NAV3: variants seen among roughly 807,000 people sequenced by gnomAD.
The protein encoded by NAV3 is neuron navigator 3, also known as pore membrane and/or filament interacting like protein 1.
Under a neutral mutation model 244.7 loss-of-function variants are expected in NAV3, and 87 were observed. The observed-to-expected ratio is 0.36, with a 90% CI of 0.30 to 0.42. The LOEUF (loss-of-function observed/expected upper bound fraction) is 0.42. Among genes scored for constraint, NAV3 ranks in the 20% least tolerant of loss-of-function variants. The probability of loss-of-function intolerance (pLI) is 1.00; values close to 1 mark genes in which losing one functional copy is unlikely to be tolerated. For synonymous variants in NAV3, 1,126 were observed against 1,042.2 expected (o/e 1.08, Z -1.55); for missense variants, 2,663 against 2,893.3 (o/e 0.92, Z 1.83).
At chr12:78,058,050 G>T (rs187899257) in intron 11 of NAV3, among the ~76,000 whole-genome samples, 1 of 152,274 alleles carries the variant, frequency 6.6e-6, no homozygotes, top group Non-Finnish European at 1.5e-5. Flanking sequence ...GTTTCTTTAA[G>T]GGAGTGGTGA....
chr12:78,005,211 A>G (rs1873990376), intron 7 of NAV3, among the ~76,000 whole-genome samples: 1 of 152,202 alleles, frequency 6.6e-6, no homozygotes. Flanking sequence ...AAAAAATGAC[A>G]TTAGGGGAAC....
chr12:77,908,610 A>T (rs1886252083), intron 1 of NAV3, among the ~76,000 whole-genome samples: 1 of 152,026 alleles, frequency 6.6e-6, no homozygotes, highest in African/African-American at 2.4e-5. Flanking sequence ...TGAATTTTGT[A>T]CTTTTTTTCC....
chr12:77,680,350 A>G (rs924861098), intron 2 of NAV3, among the ~76,000 whole-genome samples: 7 of 152,016 alleles, frequency 4.6e-5, no homozygotes, highest in Admixed American at 3.3e-4. Context: ...TGCTGTTTGC[A>G]TCTTTCCACC....
At chr12:77,797,207 G>GGAGA (rs1871450172) in intron 2 of NAV3, among the ~76,000 whole-genome samples, 1 of 152,216 alleles carries the variant, frequency 6.6e-6, no homozygotes, top group South Asian at 2.1e-4. Flanking sequence ...CACTGAATAT[G>GGAGA]CATTATTGTC....
rs951930744 is a variant in NAV3, at chr12:78,037,183, C to T, written c.2024-12810C>T. 3 of 702,890 alleles carry T rather than the reference C, an allele frequency of 4.3e-6. No homozygotes were observed. The African/African-American group carries it at 5.2e-5, about 12-fold the overall frequency. 43.5% of individuals were successfully genotyped at this position (702,890 alleles called of 1,614,324 possible). A position where few individuals can be genotyped will look rare whatever the true frequency, so the allele number is the denominator to read the frequency against. ...AGTGAAGACTTAGAGGAATTGTCTGCAAGAAGAGGCTTGGAAGGTGAGAGT... is the reference window on the plus strand; with the variant it reads ...AGTGAAGACTTAGAGGAATTGTCTGTAAGAAGAGGCTTGGAAGGTGAGAGT... On this transcript the variant is annotated intron_variant, in intron 9 of 39. Coordinates refer to ENST00000397909, the MANE Select transcript of NAV3 (RefSeq NM_001024383.2).
intron 12 of NAV3, among the ~76,000 whole-genome samples, chr12:78,102,153 C>A (rs537747309): frequency 7.2e-5 from 11 of 152,270 alleles, no homozygotes; most frequent in African/African-American, 2.6e-4. Context: ...GTCCCTTCCA[C>A]TATGAGCCTG....
chr12:78,060,305 A>G (rs1348386548), intron 12 of NAV3, among the ~76,000 whole-genome samples: 1 of 152,216 alleles, frequency 6.6e-6, no homozygotes, highest in Non-Finnish European at 1.5e-5. Flanking sequence ...AGTCAACTCC[A>G]AAGGCTAGAT....
At chr12:77,960,991 GTA>G (rs1891874435) in intron 3 of NAV3, among the ~76,000 whole-genome samples, 4 of 144,144 alleles carry the variant, frequency 2.8e-5, no homozygotes, top group African/African-American at 7.6e-5. Context: ...TATGTTACAT[GTA>G]TACGCATATA....
chr12:78,159,528 G>A (rs534299949), intron 23 of NAV3, among the ~76,000 whole-genome samples: 1 of 152,126 alleles, frequency 6.6e-6, no homozygotes, highest in Admixed American at 6.6e-5. Context: ...AATTAGCTGG[G>A]CATGGTGGCG....
chr12:78,210,216 G>T (rs1482095175), intron 39 of NAV3, among the ~76,000 whole-genome samples, 182 bp from the exon 40 acceptor site: 2 of 152,154 alleles, frequency 1.3e-5, no homozygotes, highest in African/African-American at 4.8e-5. Flanking sequence ...GTTTGGTGTT[G>T]TAGTCATGTT....
chr12:78,106,141 C>CT (rs1170187051), intron 12 of NAV3, among the ~76,000 whole-genome samples: 4 of 151,588 alleles, frequency 2.6e-5, no homozygotes, highest in African/African-American at 2.4e-5. Flanking sequence ...GTATAATTGC[C>CT]TTTTTTTATA....
At chr12:77,805,701 C>T (rs1246718425) in intron 2 of NAV3, among the ~76,000 whole-genome samples, 4 of 152,146 alleles carry the variant, frequency 2.6e-5, no homozygotes, top group Admixed American at 2.0e-4. Flanking sequence ...AGGGAGGAGT[C>T]CCTCTTTTTC....
At chr12:77,975,290 C>G (rs182814861) in intron 5 of NAV3, among the ~76,000 whole-genome samples, 3 of 152,054 alleles carry the variant, frequency 2.0e-5, no homozygotes, top group Non-Finnish European at 4.4e-5. Context: ...TTATTAAGCA[C>G]GTAGTATGTT....
chr12:78,202,033 G>T (rs1410382346), intron 38 of NAV3, among the ~76,000 whole-genome samples: 2 of 151,774 alleles, frequency 1.3e-5, no homozygotes, highest in African/African-American at 2.4e-5. Flanking sequence ...GCTATTGATT[G>T]GTTCTACTCT....
intron 9 of NAV3, among the ~76,000 whole-genome samples, chr12:78,041,951 C>G (rs1220282316): frequency 2.6e-5 from 4 of 151,786 alleles, no homozygotes; most frequent in Non-Finnish European, 2.9e-5. Context: ...CTTTCTTTTT[C>G]TTCCATCCTG....
intron 1 of NAV3, among the ~76,000 whole-genome samples, chr12:77,933,805 G>C (rs1889062610): frequency 1.3e-5 from 2 of 152,166 alleles, no homozygotes; most frequent in South Asian, 4.1e-4. Context: ...AACAACAACT[G>C]CAGATCCAGT....
intron 1 of NAV3, among the ~76,000 whole-genome samples, chr12:77,867,880 C>A (rs1346675186): frequency 6.6e-6 from 1 of 152,200 alleles, no homozygotes; most frequent in Non-Finnish European, 1.5e-5. Context: ...CTGGACTGCA[C>A]TGACCTAGTA....
chr12:77,920,868 G>A (rs764304869), intron 1 of NAV3, among the ~76,000 whole-genome samples: 13 of 152,166 alleles, frequency 8.5e-5, no homozygotes, highest in East Asian at 5.8e-4. Flanking sequence ...CTGTGAATGC[G>A]GATAGTAGTA....
intron 39 of NAV3, 132 bp downstream of exon 39, chr12:78,205,270 T>C: frequency 1.1e-6 from 1 of 937,270 alleles, no homozygotes. Flanking sequence ...CTATTATCTT[T>C]GGCCTGCTTT....
Sources: allele counts gnomAD v4.1 joint callset (sites outside exome capture counted in the v4.1 genomes callset), GRCh38; gene constraint gnomAD v4.1.1; transcripts MANE v1.5; gene names NCBI Gene and HGNC (gene_info 2026-07-23, HGNC 2026-07-21).